Variants in NOP14 observed in about 807,000 individuals in gnomAD.
NOP14 encodes nucleolar protein 14.
NOP14 carries 57 observed loss-of-function variants against 101.6 expected under a neutral mutation model. The ratio of observed to expected loss-of-function variants is 0.56; its 90% CI spans 0.45 to 0.70. The LOEUF (loss-of-function observed/expected upper bound fraction) is 0.70, where lower values mean the gene tolerates loss of function less well. NOP14 is among the 30% of genes least tolerant of loss of function. NOP14 has a pLI of 0.00. For synonymous variants in NOP14, 428 were observed against 424.0 expected, an observed-to-expected ratio of 1.01 and a Z score of -0.12; for missense variants, 1,134 against 1,075.5, an observed-to-expected ratio of 1.05 and a Z score of -0.76.
At chr4:2,961,077 T>C (rs1375738154) in intron 1 of NOP14, among the ~76,000 whole-genome samples, 7 of 113,830 alleles carry the variant, frequency 6.1e-5, no homozygotes, top group Admixed American at 4.2e-4. Context: ...ATTAATACTA[T>C]ATTAATATTA....
chr4:2,947,479 T>A (rs752610306), intron 10 of NOP14, 47 bp downstream of exon 10: 1 of 1,289,360 alleles, frequency 7.8e-7, no homozygotes, highest in South Asian at 1.2e-5. Context: ...GGAGAAAAAT[T>A]GTTCTGCTTA....
rs538983205 is a variant in NOP14 at position 2,957,456 on chromosome 4, C to T, written c.330+150G>A. The T allele has an allele frequency of 1.1e-5, 10 of 890,660 alleles. No individual in the cohort carries two copies. In the Middle Eastern group the frequency reaches 9.7e-4, roughly 86 times the overall value. The allele number at this position is 890,660 out of a possible 1,614,324, so 55.2% of individuals were successfully genotyped here. ...CAGAAGAGGTTGCTTCTCCTTTGGCCTAGCCAGATAAGGCACAGGATTCGA... is the reference window on the plus strand; with the variant it reads ...CAGAAGAGGTTGCTTCTCCTTTGGCTTAGCCAGATAAGGCACAGGATTCGA... On this transcript the variant is annotated intron_variant, in intron 2 of 17. Coordinates refer to ENST00000416614, the MANE Select transcript of NOP14 (RefSeq NM_001291978.2).
At chr4:2,957,080 C>T (rs1483024778) in intron 2 of NOP14, among the ~76,000 whole-genome samples, 1 of 152,190 alleles carries the variant, frequency 6.6e-6, no homozygotes, top group Non-Finnish European at 1.5e-5. Flanking sequence ...GGGCTCACTG[C>T]AACCTCTGAC....
chr4:2,944,367 C>T (rs1214860270), intron 12 of NOP14, 141 bp from the exon 13 acceptor site: 6 of 553,990 alleles, frequency 1.1e-5, no homozygotes, highest in East Asian at 9.2e-5. Flanking sequence ...ATAGCAGTGT[C>T]GAGAGCATCA....
intron 17 of NOP14, 94 bp downstream of exon 17, chr4:2,939,094 G>C (rs903314795): frequency 3.3e-5 from 52 of 1,564,196 alleles, no homozygotes; most frequent in Non-Finnish European, 4.6e-5. Context: ...AGCCAAGGCT[G>C]TGGGATGCCA....
chr4:2,950,011 G>A lies in NOP14; in HGVS notation c.1205C>T (p.Thr402Ile). 6.2e-7 allele frequency: 1 copy of A among 1,614,210 alleles called. No individual in the cohort carries two copies. Among genetic ancestry groups the A allele is most frequent in the East Asian group, 2.2e-5 (1 of 44,884 alleles). Residue 402 changes from threonine (T) to isoleucine (I), a missense_variant, in exon 8 of 18, where the codon ACT (threonine) becomes ATT (isoleucine). By Grantham distance (89) the Thr-to-Ile change is moderately conservative. Transcript: ENST00000416614. ...GCCGCTTATCAACCCTTTCCCAGGAGTCTGCCTCTGCTCTTTTGCTGGCTT... is the reference window on the plus strand; with the variant it reads ...GCCGCTTATCAACCCTTTCCCAGGAATCTGCCTCTGCTCTTTTGCTGGCTT... ...NEKPAKEQRQ[T>I]PGKGLISGKE...
chr4:2,947,527 C>G lies in NOP14; in HGVS notation c.1498G>C (p.Val500Leu), dbSNP rs1255674909. 8.7e-6 allele frequency: 14 copies of G among 1,610,902 alleles called. No individual in the cohort carries two copies. The highest frequency in any genetic ancestry group is 1.6e-4 in the Middle Eastern group (1 of 6,080). The change falls in exon 10 of 18, where the codon GTG (valine) becomes CTG (leucine). Residue 500 changes from valine (V) to leucine (L), a missense_variant and splice_region_variant. By Grantham distance (32) the Val-to-Leu change is conservative. Coordinates refer to ENST00000416614, the MANE Select transcript of NOP14 (RefSeq NM_001291978.2). ...PDLTVIDKLVVHLYHLCQMFP... is the reference protein window; with the variant it reads ...PDLTVIDKLVLHLYHLCQMFP... ...AGATGACACACCATTTTTACTTACACAACCAACTTATCAATGACTGTGAGG... is the reference window on the plus strand; with the variant it reads ...AGATGACACACCATTTTTACTTACAGAACCAACTTATCAATGACTGTGAGG...
rs776496955 is a variant in NOP14 at position 2,952,390 on chromosome 4, G to A, written c.755C>T (p.Ala252Val). The change falls in exon 6 of 18, where the codon GCA becomes GTA. Residue 252 changes from alanine (A) to valine (V), a missense_variant. Physicochemically the swap from Ala to Val is moderately conservative, Grantham distance 64. Transcript: ENST00000416614. ...AAGCTCGCGAACCATCATGTCATAT[G>A]CATCGGGCTAAGGTAGAAAGAAGAA... ...RDKKEKPKPD[A>V]YDMMVRELGF... 14 of 1,609,508 alleles carry A rather than the reference G, an allele frequency of 8.7e-6. No individual in the cohort carries two copies. The highest frequency in any genetic ancestry group is 5.3e-5 in the African/African-American group (4 of 74,868).
At chr4:2,959,710 G>C (rs887885262) in intron 1 of NOP14, among the ~76,000 whole-genome samples, 1 of 152,184 alleles carries the variant, frequency 6.6e-6, no homozygotes, top group Non-Finnish European at 1.5e-5. Context: ...CCATTGCTCT[G>C]TTCTCTCCGC....
At chr4:2,958,713 G>A (rs1053717493) in intron 1 of NOP14, among the ~76,000 whole-genome samples, 3 of 152,216 alleles carry the variant, frequency 2.0e-5, no homozygotes, top group African/African-American at 7.2e-5. Flanking sequence ...CGTGCGTGTG[G>A]CAGGAGGGAG....
At chr4:2,946,644 TGA>T in intron 10 of NOP14, 97 bp from the exon 11 acceptor site, 1 of 1,104,272 alleles carries the variant, frequency 9.1e-7, no homozygotes, top group Non-Finnish European at 1.3e-6. Flanking sequence ...ACCTGTTGAC[TGA>T]GCAAGTAAGA....
intron 1 of NOP14, among the ~76,000 whole-genome samples, chr4:2,962,352 T>C (rs1251486664): frequency 1.3e-5 from 2 of 152,234 alleles, no homozygotes; most frequent in Non-Finnish European, 2.9e-5. Flanking sequence ...CTATTCATTA[T>C]ACAGGCTGTC....
intron 12 of NOP14, among the ~76,000 whole-genome samples, chr4:2,944,542 G>A (rs1288373872): frequency 6.6e-6 from 1 of 152,160 alleles, no homozygotes; most frequent in Non-Finnish European, 1.5e-5. Flanking sequence ...GAGTAGCTGG[G>A]ATTACAGGCA....
At chr4:2,961,722 T>C (rs1165336051) in intron 1 of NOP14, 1 of 152,268 alleles carries the variant, frequency 6.6e-6, no homozygotes, top group Non-Finnish European at 1.5e-5. Flanking sequence ...TAACTCCCTC[T>C]AGAAGAATTT....
At chr4:2,959,455 T>C (rs1453376425) in intron 1 of NOP14, among the ~76,000 whole-genome samples, 2 of 151,846 alleles carry the variant, frequency 1.3e-5, no homozygotes, top group Non-Finnish European at 1.5e-5. Flanking sequence ...TAGCCGGGTG[T>C]GGTGGCGGGC....
At chr4:2,948,174 G>A in intron 9 of NOP14, 104 bp downstream of exon 9, 1 of 1,390,498 alleles carries the variant, frequency 7.2e-7, no homozygotes, top group Non-Finnish European at 9.6e-7. Context: ...GCCCCATCTG[G>A]CCTGAGGCAC....
In NOP14 at chr4:2,963,116, C is replaced by T. The variant is rs779070187; in HGVS notation, c.195+9G>A. 16 of 1,535,014 alleles carry T rather than the reference C, an allele frequency of 1.0e-5. No individual in the cohort carries two copies. The highest frequency in any genetic ancestry group is 1.4e-5 in the Non-Finnish European group (16 of 1,143,862). On this transcript the variant is annotated intron_variant, in intron 1 of 17. Coordinates refer to ENST00000416614, the MANE Select transcript of NOP14 (RefSeq NM_001291978.2). ...CTGCCTTCCGGCTCCCCGTGCGCCCCCCGCTTACCTTCCTGAGGGCCCGTG... is the reference window on the plus strand; with the variant it reads ...CTGCCTTCCGGCTCCCCGTGCGCCCTCCGCTTACCTTCCTGAGGGCCCGTG...
In NOP14 at chr4:2,949,935, T is replaced by C; in HGVS notation, c.1281A>G (p.Ala427=). 1.2e-6 allele frequency: 2 copies of C among 1,614,066 alleles called. No homozygotes were observed. Among genetic ancestry groups the C allele is most frequent in the Non-Finnish European group, 1.7e-6 (2 of 1,179,926 alleles). Residue 427 remains alanine (A), a splice_region_variant and synonymous_variant, in exon 8 of 18, where the codon GCA becomes GCG. Transcript: ENST00000416614. ...ATRDELPYTF[A]APESYEELRS... ...GAGGAAACCCGCGCACTTGCCCACC[T>C]GCGAACGTGTAGGGCAGCTCGTCTC...
At position 2,938,697 on chromosome 4, in the gene NOP14, G is replaced by C. The variant is rs567068115; in HGVS notation, c.*134C>G. On this transcript the variant is annotated 3_prime_UTR_variant, in exon 18 of 18. Transcript: ENST00000416614. ...ATTTTTATGTTTTTTTGGTAGAGAC[G>C]GGGTCTTCCTGTGTTGCCCAGGCTG... The C allele has an allele frequency of 1.5e-6, 1 of 667,002 alleles. No individual in the cohort carries two copies. Among genetic ancestry groups the C allele is most frequent in the South Asian group, 1.9e-5 (1 of 51,896 alleles). 41.3% of individuals were successfully genotyped at this position (667,002 alleles called of 1,614,324 possible). A position where few individuals can be genotyped will look rare whatever the true frequency, so the allele number is the denominator to read the frequency against.
Sources: gnomAD v4.1 joint callset for allele counts (sites outside exome capture counted in the v4.1 genomes callset) on GRCh38, gnomAD v4.1.1 for gene constraint, MANE v1.5 for transcripts, NCBI Gene and HGNC (gene_info 2026-07-23, HGNC 2026-07-21) for gene names.